The following DAB2IP variants were observed in gnomAD, a reference collection of about 807,000 sequenced individuals.
DAB2IP encodes the protein DAB2 interacting protein.
DAB2IP carries 28 observed loss-of-function variants against 107.2 expected under a neutral mutation model. That is an observed-to-expected ratio of 0.26 (90% confidence interval 0.19 to 0.36). The LOEUF is 0.36. Among genes scored for constraint, DAB2IP ranks in the 10% least tolerant of loss-of-function variants. The pLI, the probability that DAB2IP is intolerant of heterozygous loss-of-function variation, is 1.00. For missense variants in DAB2IP, 1,400 were observed against 1,644.7 expected (o/e 0.85, Z 2.57); for synonymous variants, 755 against 706.4 (o/e 1.07, Z -1.09).
chr9:121,750,933 GCTGT>G (rs1833071447), intron 3 of DAB2IP: 1 of 157,262 alleles, frequency 6.4e-6, no homozygotes, highest in Non-Finnish European at 1.4e-5. Flanking sequence ...GGGCCCTGGC[GCTGT>G]CTCTCATAGC....
intron 1 of DAB2IP, among the ~76,000 whole-genome samples, chr9:121,588,373 C>G (rs1277878716): frequency 6.6e-6 from 1 of 151,998 alleles, no homozygotes; most frequent in Non-Finnish European, 1.5e-5. Flanking sequence ...ATCAGACATT[C>G]TGCTGGGTCA....
chr9:121,770,549 A>G, exon 11 of DAB2IP: 3 of 1,613,864 alleles, frequency 1.9e-6, no homozygotes, highest in Non-Finnish European at 2.5e-6. Flanking sequence ...TTTACAGAGC[A>G]TAGTATCCAA....
chr9:121,651,642 G>C lies in DAB2IP; in HGVS notation c.-134G>C, dbSNP rs919646505. On this transcript the variant is annotated 5_prime_UTR_variant, in exon 1 of 16. Coordinates refer to ENST00000408936, the Ensembl canonical transcript of DAB2IP. This position sits in a 1 kb window ranked among gnomAD's most constrained non-coding sequence, Gnocchi z 5.1. ...GGAGGAGGAGTTTGAGCGACTTTGT[G>C]GGGCAGCCAGGGCCTCGGCGGCCGC... is the stretch of plus-strand genomic sequence containing the variant. 1.2e-4 allele frequency: 132 copies of C among 1,066,928 alleles called. 1 individual carries two copies. Among genetic ancestry groups the C allele is most frequent in the Admixed American group, 1.6e-4 (3 of 18,816 alleles). 66.1% of individuals were successfully genotyped at this position (1,066,928 alleles called of 1,614,324 possible).
intron 1 of DAB2IP, among the ~76,000 whole-genome samples, chr9:121,595,532 G>A (rs1830512008): frequency 6.6e-6 from 1 of 151,524 alleles, no homozygotes; most frequent in Non-Finnish European, 1.5e-5. Context: ...GATCCTGGGA[G>A]GTTGAGGCTG....
At chr9:121,631,194 G>C (rs1251365431) in intron 1 of DAB2IP, among the ~76,000 whole-genome samples, 1 of 152,212 alleles carries the variant, frequency 6.6e-6, no homozygotes, top group East Asian at 1.9e-4. Context: ...CTCCTGGCCT[G>C]GTTGCGGGAG....
intron 3 of DAB2IP, among the ~76,000 whole-genome samples, chr9:121,734,655 T>G (rs1223654920): frequency 1.3e-5 from 2 of 152,200 alleles, no homozygotes; most frequent in African/African-American, 4.8e-5. Flanking sequence ...ACAGTGGGGA[T>G]GACTCAACAA....
intron 1 of DAB2IP, among the ~76,000 whole-genome samples, chr9:121,577,878 G>A (rs909198859): frequency 1.3e-5 from 2 of 152,298 alleles, no homozygotes; most frequent in Admixed American, 6.5e-5. Context: ...CAGGCTCTAG[G>A]CCCTGCAGCC....
At chr9:121,639,521 GGCT>G (rs1220238846) in intron 1 of DAB2IP, among the ~76,000 whole-genome samples, 2 of 152,154 alleles carry the variant, frequency 1.3e-5, no homozygotes, top group African/African-American at 4.8e-5. Flanking sequence ...TGCCAGTCAC[GGCT>G]GCTGCCTGGC....
intron 3 of DAB2IP, among the ~76,000 whole-genome samples, chr9:121,740,882 G>A (rs1832288855): frequency 6.6e-6 from 1 of 152,194 alleles, no homozygotes; most frequent in South Asian, 2.1e-4. Flanking sequence ...TGAGACTCAG[G>A]AAAGTAAAAG....
At chr9:121,667,225 T>A (rs1444635644) in intron 1 of DAB2IP, among the ~76,000 whole-genome samples, 1 of 152,194 alleles carries the variant, frequency 6.6e-6, no homozygotes, top group Non-Finnish European at 1.5e-5. Context: ...TTGGCCAGGC[T>A]GGTCTCGAAC....
At chr9:121,731,868 C>G (rs796572809) in intron 3 of DAB2IP, among the ~76,000 whole-genome samples, 48 of 152,308 alleles carry the variant, frequency 3.2e-4, no homozygotes, top group African/African-American at 1.0e-3. Flanking sequence ...GTTCCCTGAC[C>G]TTTCAGGAAG....
intron 1 of DAB2IP, among the ~76,000 whole-genome samples, chr9:121,605,509 T>G (rs1034556125): frequency 1.3e-5 from 2 of 151,734 alleles, no homozygotes; most frequent in African/African-American, 4.8e-5. Flanking sequence ...TTATTGTTGG[T>G]TTTTTTTGAG....
intron 1 of DAB2IP, among the ~76,000 whole-genome samples, chr9:121,576,928 T>C (rs917321817): frequency 8.5e-5 from 13 of 152,138 alleles, no homozygotes; most frequent in Non-Finnish European, 1.5e-4. Context: ...AACCACTCCC[T>C]TTCCCAGGCT....
At chr9:121,752,854 C>T (rs1833218939) in intron 3 of DAB2IP, 3 of 152,254 alleles carry the variant, frequency 2.0e-5, no homozygotes, top group Admixed American at 2.0e-4. Flanking sequence ...GTGCCGGCTG[C>T]CAGTGTTTTC....
chr9:121,711,035 A>G (rs1466133565), intron 3 of DAB2IP, among the ~76,000 whole-genome samples: 1 of 152,196 alleles, frequency 6.6e-6, no homozygotes, highest in African/African-American at 2.4e-5. Context: ...GAGGATAGTG[A>G]AAACCTATTC....
chr9:121,616,866 G>T (rs1831297506), intron 1 of DAB2IP, among the ~76,000 whole-genome samples: 1 of 152,178 alleles, frequency 6.6e-6, no homozygotes, highest in Non-Finnish European at 1.5e-5. Flanking sequence ...CTTTCTGCTG[G>T]GCAGACCGAG....
chr9:121,637,329 C>T (rs976751804), intron 1 of DAB2IP, among the ~76,000 whole-genome samples: 6 of 152,212 alleles, frequency 3.9e-5, no homozygotes, highest in Admixed American at 6.5e-5. Context: ...AGCAAGCACC[C>T]GTGGAGTGGG....
Position 121,639,504 on chromosome 9 carries a change from C to A in DAB2IP, c.41-39174C>A, listed in dbSNP as rs552598170. ...AGGTCAGAGGGCATAGGGACCAGAA[C>A]AAAGAATGCCAGTCACGGCTGCTGC... On this transcript the variant is annotated intron_variant, in intron 1 of 16. Transcript: ENST00000259371. Among the ~76,000 whole-genome samples, 4 of 152,262 alleles carry A rather than the reference C, an allele frequency of 2.6e-5. No homozygotes were observed. The South Asian group carries it at 8.3e-4, about 32-fold the overall frequency.
At chr9:121,625,527 G>C (rs1423898021) in intron 1 of DAB2IP, among the ~76,000 whole-genome samples, 1 of 152,174 alleles carries the variant, frequency 6.6e-6, no homozygotes, top group Non-Finnish European at 1.5e-5. Flanking sequence ...CTCCCAGAGT[G>C]CTGGGATTAT....
Sources: allele counts gnomAD v4.1 joint callset (sites outside exome capture counted in the v4.1 genomes callset), GRCh38; gene constraint gnomAD v4.1.1; non-coding constraint Gnocchi (gnomAD v3.1); transcripts MANE v1.5; gene names NCBI Gene and HGNC (gene_info 2026-07-23, HGNC 2026-07-21).